Variants in ARAP1 observed in about 807,000 individuals in gnomAD.
ARAP1 encodes the protein ArfGAP with RhoGAP domain, ankyrin repeat and PH domain 1, also known as arf-GAP with Rho-GAP domain, ANK repeat and PH domain-containing protein 1.
In ARAP1, 76 loss-of-function variants were observed where a neutral mutation model predicts 172.2. The observed-to-expected ratio is 0.44, with a 90% CI of 0.37 to 0.53. The LOEUF (loss-of-function observed/expected upper bound fraction) is 0.53. ARAP1 is among the 20% of genes least tolerant of loss of function. The pLI, the probability that ARAP1 is intolerant of heterozygous loss-of-function variation, is 0.00. For synonymous variants in ARAP1, 804 were observed against 803.3 expected, an observed-to-expected ratio of 1.00 and a Z score of -0.01; for missense variants, 1,686 against 1,977.5, an observed-to-expected ratio of 0.85 and a Z score of 2.80.
At chr11:72,690,109 AG>A (rs1470495031) in intron 30 of ARAP1, among the ~76,000 whole-genome samples, 2 of 152,094 alleles carry the variant, frequency 1.3e-5, no homozygotes, top group Non-Finnish European at 2.9e-5. Flanking sequence ...GAATCGGCTG[AG>A]GGGATGGAAA....
In ARAP1 at chr11:72,704,278, G is replaced by A; in HGVS notation, c.1866C>T (p.Pro622=). The part of the protein sequence containing the change: ...AGNRFWAANV[P]PSEALQPSSS... Reference sequence around the variant, plus strand: ...TGCTGGGCTGCAGGGCCTCACTGGGGGGCACGTTGGCTGCCCAGAAGCGGT... The same window carrying A: ...TGCTGGGCTGCAGGGCCTCACTGGGAGGCACGTTGGCTGCCCAGAAGCGGT... The change falls in exon 14 of 35, where the codon CCC becomes CCT. Residue 622 remains proline (P), a synonymous_variant. Transcript: ENST00000393609. The A allele has an allele frequency of 6.2e-7, 1 of 1,612,434 alleles. No homozygotes were observed. Among genetic ancestry groups the A allele is most frequent in the South Asian group, 1.1e-5 (1 of 90,900 alleles).
intron 2 of ARAP1, among the ~76,000 whole-genome samples, chr11:72,728,359 T>C (rs1034949329): frequency 4.6e-5 from 7 of 152,130 alleles, no homozygotes; most frequent in Admixed American, 3.3e-4. Context: ...GGCGGGTGGA[T>C]TGCCTGAGCT....
rs376734720 is a variant in ARAP1, at chr11:72,685,933, CGGAGGGCAATCGG to C, written c.4335+96_4335+108del. The stretch of plus-strand genomic sequence containing the variant: ...CCCACCAAGGCTGGAGGGAGGGGGC[CGGAGGGCAATCGG>C]GGAGGGCAATCAGGGCAATCATCTA... On this transcript the variant is annotated intron_variant, in intron 34 of 34. Transcript: ENST00000393609. 7.4e-4 allele frequency: 1,171 copies of C among 1,591,660 alleles called. 9 individuals are homozygous for C. The African/African-American group carries it at 0.013, about 18-fold the overall frequency.
intron 14 of ARAP1, 102 bp from the exon 15 acceptor site, chr11:72,703,181 G>A: frequency 8.5e-7 from 1 of 1,176,534 alleles, no homozygotes; most frequent in East Asian, 2.6e-5. Context: ...AGTCACCCAG[G>A]CCTGGAGCAG....
chr11:72,725,322 T>TC lies in ARAP1; in HGVS notation c.509+1297_509+1298insG, dbSNP rs1565227575. On this transcript the variant is annotated intron_variant, in intron 3 of 34. Coordinates refer to ENST00000393609, the MANE Select transcript of ARAP1 (RefSeq NM_001040118.3). The surrounding 1 kb of genome is among the most constrained non-coding windows in gnomAD (Gnocchi z 4.3). ...TCTCTCTCTCTCTCTCTCTCTCTTT[T>TC]TCTCTCTCTCTCTCCCCCCCACAAG... 3.3e-5 allele frequency among the ~76,000 whole-genome samples: 5 copies of TC among 150,700 alleles called. No individual in the cohort carries two copies. The highest frequency in any genetic ancestry group is 1.2e-4 in the African/African-American group (5 of 40,862).
Position 72,686,156 on chromosome 11 carries a change from G to A in ARAP1, c.4221C>T (p.Arg1407=), listed in dbSNP as rs201910427. 4.0e-4 allele frequency: 648 copies of A among 1,613,880 alleles called. 2 individuals carry two copies. The highest frequency in any genetic ancestry group is 2.5e-3 in the Middle Eastern group (15 of 6,022). The change falls in exon 34 of 35, where the codon CGC becomes CGT. Residue 1407 remains arginine (R), a synonymous_variant. Coordinates refer to ENST00000393609, the MANE Select transcript of ARAP1 (RefSeq NM_001040118.3). ...GGACCTCAGGCACTGCCCGGGACAC[G>A]CGTGAGGGCTCTGAGGGCCACACCA... is the stretch of plus-strand genomic sequence containing the variant. ...DGLVWPSEPS[R]VSRAVPEVRL...
In ARAP1 at chr11:72,714,839, AC is replaced by A. The variant is rs562462682; in HGVS notation, c.510-519del. On this transcript the variant is annotated intron_variant, in intron 3 of 34. Coordinates refer to ENST00000393609, the MANE Select transcript of ARAP1 (RefSeq NM_001040118.3). ...TGCTCTTGCCCAGATTTGGATATTC[AC>A]TACCTCCTGGTGCCCTCAGACTCCT... Among the ~76,000 whole-genome samples the A allele has an allele frequency of 1.1e-4, 17 of 152,066 alleles. 1 individual carries two copies. The East Asian group carries it at 3.3e-3, about 29-fold the overall frequency.
chr11:72,714,350 C>G lies in ARAP1; in HGVS notation c.510-29G>C, dbSNP rs374178172. On this transcript the variant is annotated intron_variant, in intron 3 of 34. Transcript: ENST00000393609. Reference sequence around the variant, plus strand: ...GGAACACAACAAAAGTTGGGCATCACTAAGCAACAGAGCCAAGACTGAAAC... The same window carrying G: ...GGAACACAACAAAAGTTGGGCATCAGTAAGCAACAGAGCCAAGACTGAAAC... The G allele has an allele frequency of 2.3e-5, 35 of 1,540,322 alleles. No homozygotes were observed. The African/African-American group carries it at 4.0e-4, about 18-fold the overall frequency.
intron 22 of ARAP1, 128 bp from the exon 23 acceptor site, chr11:72,696,782 G>T: frequency 1.1e-6 from 1 of 949,152 alleles, no homozygotes; most frequent in Non-Finnish European, 1.5e-6. Context: ...TGCAGGCCAG[G>T]CATTCAACCA....
chr11:72,712,727 CACACAGAG>C, intron 5 of ARAP1, 159 bp from the exon 6 acceptor site: 1 of 1,201,944 alleles, frequency 8.3e-7, no homozygotes, highest in Middle Eastern at 1.9e-4. Flanking sequence ...CAGCGGAGAC[CACACAGAG>C]ACCCAGATCA....
chr11:72,695,258 C>A lies in ARAP1; in HGVS notation c.3576+129G>T. On this transcript the variant is annotated intron_variant, in intron 26 of 34. Coordinates refer to ENST00000393609, the MANE Select transcript of ARAP1 (RefSeq NM_001040118.3). The surrounding 1 kb of genome is among the most constrained non-coding windows in gnomAD (Gnocchi z 4.4). Reference sequence around the variant, plus strand: ...AGTGGTCCTTAGGAGCAGACCCCAGCACCAGCCAGATACAGGTCCCAAACT... The same window carrying A: ...AGTGGTCCTTAGGAGCAGACCCCAGAACCAGCCAGATACAGGTCCCAAACT... 7.3e-7 allele frequency: 1 copy of A among 1,372,328 alleles called. No individual in the cohort carries two copies. Among genetic ancestry groups the A allele is most frequent in the South Asian group, 1.2e-5 (1 of 80,314 alleles). 85.0% of individuals were successfully genotyped at this position (1,372,328 alleles called of 1,614,324 possible).
At position 72,697,476 on chromosome 11, in the gene ARAP1, T is replaced by G; in HGVS notation, c.2800A>C (p.Ile934Leu). The G allele has an allele frequency of 1.2e-6, 2 of 1,613,438 alleles. No individual in the cohort carries two copies. Among genetic ancestry groups the G allele is most frequent in the Non-Finnish European group, 1.7e-6 (2 of 1,179,696 alleles). Residue 934 changes from isoleucine to leucine, a missense_variant, in exon 21 of 35, where the codon ATA (isoleucine) becomes CTA (leucine). Coordinates refer to ENST00000393609, the MANE Select transcript of ARAP1 (RefSeq NM_001040118.3). ...AAGTCCAGCCGCCGCTCGCCCTGTATGTACAGTGTCCTGGGCCAGGGACAG... is the reference window on the plus strand; with the variant it reads ...AAGTCCAGCCGCCGCTCGCCCTGTAGGTACAGTGTCCTGGGCCAGGGACAG... ...VLVERRRTLY[I>L]QGERRLDFMG... is the part of the protein sequence containing the mutation.
chr11:72,687,889 G>C (rs140178651), intron 31 of ARAP1, 151 bp from the exon 32 acceptor site: 3 of 899,820 alleles, frequency 3.3e-6, no homozygotes, highest in Non-Finnish European at 5.3e-6. Context: ...GCCTCTTCCT[G>C]TCTCAGCCCC....
chr11:72,692,897 T>A, intron 29 of ARAP1, 112 bp from the exon 30 acceptor site: 1 of 1,384,158 alleles, frequency 7.2e-7, no homozygotes, highest in Non-Finnish European at 1.0e-6. Context: ...GTGCAGAAGG[T>A]GGAGGGTGTC....
chr11:72,688,170 A>C (rs1855772312), intron 31 of ARAP1, among the ~76,000 whole-genome samples: 1 of 151,920 alleles, frequency 6.6e-6, no homozygotes, highest in Admixed American at 6.6e-5. Context: ...TTTTTTGTAG[A>C]GACAAGGTCT....
chr11:72,714,169 C>T lies in ARAP1; in HGVS notation c.662G>A (p.Arg221His), dbSNP rs865848972. Residue 221 changes from arginine (R) to histidine (H), a missense_variant, in exon 4 of 35, where the codon CGC becomes CAC. Arg to His is a conservative substitution (Grantham distance 29, BLOSUM62 0). Coordinates refer to ENST00000393609, the MANE Select transcript of ARAP1 (RefSeq NM_001040118.3). ...GCACTCACCGAACTCTGGGAACAGG[C>T]GTACCGGCTTTGGAGGTATCTCCGG... ...CPPEIPPKPV[R>H]LFPEFDDSDY... 6.7e-6 allele frequency: 10 copies of T among 1,501,294 alleles called. No homozygotes were observed. Among genetic ancestry groups the T allele is most frequent in the South Asian group, 1.3e-5 (1 of 74,902 alleles). 93.0% of individuals were successfully genotyped at this position (1,501,294 alleles called of 1,614,324 possible). A position where few individuals can be genotyped will look rare whatever the true frequency, so the allele number is the denominator to read the frequency against.
chr11:72,714,955 C>T lies in ARAP1; in HGVS notation c.510-634G>A, dbSNP rs573027050. 5.3e-5 allele frequency among the ~76,000 whole-genome samples: 8 copies of T among 152,340 alleles called. No homozygotes were observed. In the East Asian group the frequency reaches 5.8e-4, roughly 11 times the overall value. ...CTCTGCTACCACTCCCCAGGGAACC[C>T]TCCCCTGATTCTCCAAGGCCAAGTT... On this transcript the variant is annotated intron_variant, in intron 3 of 34. Coordinates refer to ENST00000393609, the MANE Select transcript of ARAP1 (RefSeq NM_001040118.3).
chr11:72,735,923 G>GGATCAGATA (rs967186378), intron 1 of ARAP1, among the ~76,000 whole-genome samples: 1 of 152,160 alleles, frequency 6.6e-6, no homozygotes, highest in Non-Finnish European at 1.5e-5. Flanking sequence ...AGGCTGGAAG[G>GGATCAGATA]GATCAGATAC....
At chr11:72,688,647 C>T (rs1238347470) in intron 30 of ARAP1, 110 bp from the exon 31 acceptor site, 3 of 897,076 alleles carry the variant, frequency 3.3e-6, no homozygotes, top group Non-Finnish European at 5.2e-6. Flanking sequence ...CTTTGCATCC[C>T]AGCACAGGGC....
Sources: allele counts gnomAD v4.1 joint callset (sites outside exome capture counted in the v4.1 genomes callset), GRCh38; gene constraint gnomAD v4.1.1; non-coding constraint Gnocchi (gnomAD v3.1); transcripts MANE v1.5; gene names NCBI Gene and HGNC (gene_info 2026-07-23, HGNC 2026-07-21).